CEP131: variants seen among roughly 807,000 people sequenced by gnomAD.
CEP131 encodes centrosomal protein 131, also known as centrosomal protein of 131 kDa.
Under a neutral mutation model 136.8 loss-of-function variants are expected in CEP131, and 99 were observed. The observed-to-expected ratio is 0.72, with a 90% CI of 0.62 to 0.86. The LOEUF (loss-of-function observed/expected upper bound fraction) is 0.86. CEP131 is among the 40% of genes least tolerant of loss of function. CEP131 has a pLI of 0.00. For missense variants in CEP131, 1,459 were observed against 1,463.0 expected (o/e 1.00, Z 0.04); for synonymous variants, 646 against 612.7 (o/e 1.05, Z -0.80).
intron 24 of CEP131, 92 bp from the exon 25 acceptor site, chr17:81,190,067 G>C: frequency 8.5e-7 from 1 of 1,171,486 alleles, no homozygotes; most frequent in South Asian, 1.6e-5. Context: ...GCAGCCGCCT[G>C]GTCAGCCTGG....
In CEP131 at chr17:81,219,823, A is replaced by C. The variant is rs957416425; in HGVS notation, c.177+57T>G. The C allele has an allele frequency of 2.1e-5, 31 of 1,473,598 alleles. No individual in the cohort carries two copies. In the African/African-American group the frequency reaches 3.9e-4, roughly 18 times the overall value. 91.3% of individuals were successfully genotyped at this position (1,473,598 alleles called of 1,614,324 possible). A position where few individuals can be genotyped will look rare whatever the true frequency, so the allele number is the denominator to read the frequency against. ...AGCTGGACCCAGGGGTCAGATGCCA[A>C]CTGAACAACAGCCCTCCAGGAGGCA... On this transcript the variant is annotated intron_variant, in intron 2 of 25. Coordinates refer to ENST00000450824, the MANE Select transcript of CEP131 (RefSeq NM_014984.4). The surrounding 1 kb of genome is among the most constrained non-coding windows in gnomAD (Gnocchi z 4.0).
At chr17:81,211,852 G>A (rs1331190262) in intron 2 of CEP131, among the ~76,000 whole-genome samples, 1 of 150,562 alleles carries the variant, frequency 6.6e-6, no homozygotes, top group Non-Finnish European at 1.5e-5. Flanking sequence ...AGGATCACTT[G>A]AGCCCAGGAA....
At chr17:81,202,933 C>G (rs1180299936) in intron 6 of CEP131, among the ~76,000 whole-genome samples, 1 of 151,626 alleles carries the variant, frequency 6.6e-6, no homozygotes, top group African/African-American at 2.4e-5. Flanking sequence ...CACTGCACTC[C>G]AGCCTGGGCA....
At chr17:81,191,464 A>T in intron 21 of CEP131, 129 bp from the exon 22 acceptor site, 1 of 836,376 alleles carries the variant, frequency 1.2e-6, no homozygotes, top group South Asian at 1.6e-5. Flanking sequence ...CCCCCTCTCC[A>T]GACCCCTGTC....
At chr17:81,196,597 C>T (rs927066043) in intron 15 of CEP131, 104 bp downstream of exon 15, 1 of 1,471,562 alleles carries the variant, frequency 6.8e-7, no homozygotes, top group African/African-American at 1.4e-5. Context: ...CCGTGTGACA[C>T]CCAACAGAGG....
rs955396187 is a variant in CEP131, at chr17:81,219,487, G to A, written c.177+393C>T. 4.6e-5 allele frequency among the ~76,000 whole-genome samples: 7 copies of A among 151,720 alleles called. No individual in the cohort carries two copies. Among genetic ancestry groups the A allele is most frequent in the East Asian group, 1.9e-4 (1 of 5,172 alleles). ...TTTTTTTTGTATCTTTAGTAGAGAC[G>A]GAGTTTCACCATGTTGGTCAGGCTG... On this transcript the variant is annotated intron_variant, in intron 2 of 25. Coordinates refer to ENST00000450824, the MANE Select transcript of CEP131 (RefSeq NM_014984.4). This position sits in a 1 kb window ranked among gnomAD's most constrained non-coding sequence, Gnocchi z 4.0.
intron 17 of CEP131, among the ~76,000 whole-genome samples, chr17:81,194,441 C>T (rs2061710827): frequency 6.6e-6 from 1 of 152,208 alleles, no homozygotes; most frequent in South Asian, 2.1e-4. Flanking sequence ...CTGCACATCA[C>T]CCAAGGGTCC....
intron 1 of CEP131, among the ~76,000 whole-genome samples, 190 bp from the exon 2 acceptor site, chr17:81,220,263 C>A (rs563531265): frequency 3.9e-5 from 6 of 152,306 alleles, no homozygotes; most frequent in Admixed American, 1.3e-4. Flanking sequence ...CTGTTCTGAG[C>A]CCAATGTCAG....
Position 81,195,736 on chromosome 17 carries a change from T to C in CEP131, c.2016+99A>G, listed in dbSNP as rs111972170. ...TGGCCCTGACACACCGAGACAGGAA[T>C]GAGGACTCCAAGTCCGGTCCTGTTC... On this transcript the variant is annotated intron_variant, in intron 16 of 25. Coordinates refer to ENST00000450824, the MANE Select transcript of CEP131 (RefSeq NM_014984.4). 5.8e-4 allele frequency: 607 copies of C among 1,039,634 alleles called. 3 individuals are homozygous for C. The African/African-American group carries it at 8.8e-3, about 15-fold the overall frequency. The allele number at this position is 1,039,634 out of a possible 1,614,324, so 64.4% of individuals were successfully genotyped here. A position where few individuals can be genotyped will look rare whatever the true frequency, so the allele number is the denominator to read the frequency against.
At chr17:81,198,808 C>A in intron 11 of CEP131, 69 bp downstream of exon 11, 14 of 1,461,252 alleles carry the variant, frequency 9.6e-6, no homozygotes, top group Non-Finnish European at 1.3e-5. Flanking sequence ...CAGCTCAGGA[C>A]ACCCCTGGCA....
At chr17:81,194,187 C>T in intron 17 of CEP131, 60 bp from the exon 18 acceptor site, 1 of 1,418,918 alleles carries the variant, frequency 7.0e-7, no homozygotes, top group South Asian at 1.5e-5. Context: ...GAAGTCCAAC[C>T]CTGGCACAAG....
intron 1 of CEP131, 118 bp downstream of exon 1, chr17:81,222,651 C>A (rs542499850): frequency 6.6e-6 from 1 of 152,028 alleles, no homozygotes; most frequent in African/African-American, 2.4e-5. Flanking sequence ...CTCACCTGTG[C>A]GTGCCCCGGA....
chr17:81,213,901 G>A (rs544018837), intron 2 of CEP131, among the ~76,000 whole-genome samples: 2 of 152,226 alleles, frequency 1.3e-5, no homozygotes, highest in Non-Finnish European at 1.5e-5. Context: ...GTCTGATCAC[G>A]AGAAAAATAT....
At chr17:81,197,089 C>T in intron 13 of CEP131, 34 bp from the exon 14 acceptor site, 1 of 1,566,934 alleles carries the variant, frequency 6.4e-7, no homozygotes, top group Non-Finnish European at 8.6e-7. Flanking sequence ...GCGGAAGCGG[C>T]AGAGGACGGG....
intron 10 of CEP131, 97 bp from the exon 11 acceptor site, chr17:81,199,068 C>G (rs868592746): frequency 8.3e-7 from 1 of 1,207,218 alleles, no homozygotes; most frequent in South Asian, 1.6e-5. Context: ...ATGGGGGAGG[C>G]GGAGGCGACC....
intron 23 of CEP131, 32 bp downstream of exon 23, chr17:81,190,875 G>T: frequency 6.3e-7 from 1 of 1,592,858 alleles, no homozygotes; most frequent in Non-Finnish European, 8.5e-7. Flanking sequence ...GCCTGTGGGT[G>T]CCCACTGCCC....
At chr17:81,191,747 C>T (rs1598264111) in intron 21 of CEP131, among the ~76,000 whole-genome samples, 1 of 152,312 alleles carries the variant, frequency 6.6e-6, no homozygotes, top group Admixed American at 6.5e-5. Context: ...CAGCCCTGGG[C>T]CCCACAGGGC....
chr17:81,195,775 A>C lies in CEP131; in HGVS notation c.2016+60T>G. The C allele has an allele frequency of 4.1e-6, 6 of 1,464,054 alleles. No individual in the cohort carries two copies. In the South Asian group the frequency reaches 4.6e-5, roughly 11 times the overall value. The allele number at this position is 1,464,054 out of a possible 1,614,324, so 90.7% of individuals were successfully genotyped here. On this transcript the variant is annotated intron_variant, in intron 16 of 25. Transcript: ENST00000450824. Reference sequence around the variant, plus strand: ...CCGGTCCTGTTCTGGGGGCTGTGCCAGCTGAGCCTGGCCTGTGAGCCGGGC... The same window carrying C: ...CCGGTCCTGTTCTGGGGGCTGTGCCCGCTGAGCCTGGCCTGTGAGCCGGGC...
Position 81,199,410 on chromosome 17 carries a change from G to A in CEP131, c.1163C>T (p.Ala388Val). ...ATTGTTGGCCTTGAGGGCCTGGTGG[G>A]CAGTGCCGCCTGGTGTGGGGGACAG... ...QELSPTPGGT[A>V]HQALKANNTG... is the part of the protein sequence containing the mutation. Residue 388 changes from alanine (A) to valine (V), a missense_variant, in exon 10 of 26, where the codon GCC (alanine) becomes GTC (valine). Physicochemically the swap from Ala to Val is moderately conservative, Grantham distance 64 (BLOSUM62 0). Transcript: ENST00000450824. 6.2e-7 allele frequency: 1 copy of A among 1,605,648 alleles called. No homozygotes were observed. Among genetic ancestry groups the A allele is most frequent in the Non-Finnish European group, 8.5e-7 (1 of 1,177,424 alleles).
Sources: allele counts gnomAD v4.1 joint callset (sites outside exome capture counted in the v4.1 genomes callset), GRCh38; gene constraint gnomAD v4.1.1; non-coding constraint Gnocchi (gnomAD v3.1); transcripts MANE v1.5; gene names NCBI Gene and HGNC (gene_info 2026-07-23, HGNC 2026-07-21).